The following PPP2R5C variants were observed in gnomAD, a reference collection of about 807,000 sequenced individuals.
The protein encoded by PPP2R5C is serine/threonine-protein phosphatase 2A 56 kDa regulatory subunit gamma isoform.
In PPP2R5C, 7 loss-of-function variants were observed where a neutral mutation model predicts 68.9. The observed-to-expected ratio is 0.10, with a 90% CI of 0.06 to 0.19. PPP2R5C has a LOEUF of 0.19. PPP2R5C is among the 10% of genes least tolerant of loss of function. PPP2R5C has a pLI of 1.00. For synonymous variants in PPP2R5C, 210 were observed against 222.2 expected, an observed-to-expected ratio of 0.95 and a Z score of 0.49; for missense variants, 348 against 641.3, an observed-to-expected ratio of 0.54 and a Z score of 4.94.
chr14:101,776,613 C>T (rs564395321), intron 2 of PPP2R5C, among the ~76,000 whole-genome samples: 1 of 152,220 alleles, frequency 6.6e-6, no homozygotes, highest in African/African-American at 2.4e-5. Flanking sequence ...CTCAAGGATG[C>T]TCAGCGGGTC....
chr14:101,876,025 G>T (rs1356232432), intron 2 of PPP2R5C, among the ~76,000 whole-genome samples: 3 of 152,248 alleles, frequency 2.0e-5, no homozygotes, highest in Non-Finnish European at 4.4e-5. Flanking sequence ...TGGAAAGGTG[G>T]TTGCTGTTGG....
intron 1 of PPP2R5C, among the ~76,000 whole-genome samples, chr14:101,827,686 A>G (rs2040479717): frequency 6.6e-6 from 1 of 152,198 alleles, no homozygotes; most frequent in African/African-American, 2.4e-5. Context: ...TTATTTTCCT[A>G]AATTATCTCG....
rs2046696711 is a variant in PPP2R5C at position 101,916,756 on chromosome 14, C to T, written c.1327-1075C>T. ...GGGGTGAAGCAGGTCAGCAGGAGGG[C>T]GCTGCTGTGACAGGAGCTCAGCCTG... On this transcript the variant is annotated intron_variant, in intron 12 of 13. Coordinates refer to ENST00000334743, the Ensembl canonical transcript of PPP2R5C. This position sits in a 1 kb window ranked among gnomAD's most constrained non-coding sequence, Gnocchi z 5.5. 2.0e-5 allele frequency among the ~76,000 whole-genome samples: 3 copies of T among 152,106 alleles called. No homozygotes were observed. Among genetic ancestry groups the T allele is most frequent in the Admixed American group, 6.5e-5 (1 of 15,284 alleles).
intron 1 of PPP2R5C, among the ~76,000 whole-genome samples, chr14:101,838,043 A>G (rs552448824): frequency 3.3e-5 from 5 of 152,268 alleles, no homozygotes; most frequent in Non-Finnish European, 7.3e-5. Context: ...ATGTGTAAAG[A>G]TTGTTATTAA....
Position 101,912,493 on chromosome 14 carries a change from C to A in PPP2R5C, c.1326+20C>A. ...CCCCAGGTACTAAAAAAGAGAATAA[C>A]ATGAAAACGCCCAGGGTTACTTGAA... On this transcript the variant is annotated intron_variant, in intron 12 of 13. Coordinates refer to ENST00000334743, the Ensembl canonical transcript of PPP2R5C. 1 of 1,595,436 alleles carries A rather than the reference C, an allele frequency of 6.3e-7. No homozygotes were observed.
intron 5 of PPP2R5C, among the ~76,000 whole-genome samples, chr14:101,887,894 C>T (rs947168225): frequency 6.6e-6 from 1 of 152,158 alleles, no homozygotes; most frequent in Non-Finnish European, 1.5e-5. Context: ...GATTCCCTTT[C>T]TGCTGAAAGA....
At chr14:101,827,452 G>T (rs1400638111) in intron 1 of PPP2R5C, among the ~76,000 whole-genome samples, 1 of 152,132 alleles carries the variant, frequency 6.6e-6, no homozygotes, top group Non-Finnish European at 1.5e-5. Flanking sequence ...TTCCTTAACT[G>T]TCTGCCCTCT....
intron 1 of PPP2R5C, among the ~76,000 whole-genome samples, chr14:101,816,905 T>G (rs1222975299): frequency 7.9e-6 from 1 of 126,766 alleles, no homozygotes; most frequent in Admixed American, 8.4e-5. Context: ...TATAAATATA[T>G]ATATAATATA....
rs540581507 is a variant in PPP2R5C, at chr14:101,838,849, G to A, written c.95-17837G>A. Among the ~76,000 whole-genome samples the A allele has an allele frequency of 7.9e-5, 12 of 152,250 alleles. No individual in the cohort carries two copies. In the East Asian group the frequency reaches 1.7e-3, roughly 22 times the overall value. ...GCTTGATGTCAGGAGTTTGAGACCA[G>A]CCTGGCCAACATGGTGAAACCCCGT... On this transcript the variant is annotated intron_variant, in intron 1 of 13. Coordinates refer to ENST00000334743, the Ensembl canonical transcript of PPP2R5C.
At chr14:101,847,416 T>A (rs943122638) in intron 1 of PPP2R5C, among the ~76,000 whole-genome samples, 3 of 152,174 alleles carry the variant, frequency 2.0e-5, no homozygotes, top group Non-Finnish European at 4.4e-5. Flanking sequence ...TAGTGCAGCC[T>A]TCAGTGCCTT....
intron 2 of PPP2R5C, among the ~76,000 whole-genome samples, chr14:101,767,589 C>G (rs903222251): frequency 6.6e-6 from 1 of 152,144 alleles, no homozygotes; most frequent in African/African-American, 2.4e-5. Flanking sequence ...TCCATACAAC[C>G]CTAAGCTGAA....
Position 101,882,375 on chromosome 14 carries a change from C to T in PPP2R5C, c.405+104C>T, listed in dbSNP as rs1802932186. On this transcript the variant is annotated intron_variant, in intron 3 of 13. Coordinates refer to ENST00000334743, the Ensembl canonical transcript of PPP2R5C. This position sits in a 1 kb window ranked among gnomAD's most constrained non-coding sequence, Gnocchi z 4.9. ...TGGTCTGGCCAGATGGACCTCTCCT[C>T]CTCAGTAGCATGGGCCTCGTAAACC... The T allele has an allele frequency of 1.3e-6, 1 of 742,030 alleles. No individual in the cohort carries two copies. The highest frequency in any genetic ancestry group is 2.2e-6 in the Non-Finnish European group (1 of 462,960). 46.0% of individuals were successfully genotyped at this position (742,030 alleles called of 1,614,324 possible).
At chr14:101,911,875 C>G (rs1475958387) in intron 11 of PPP2R5C, among the ~76,000 whole-genome samples, 1 of 145,724 alleles carries the variant, frequency 6.9e-6, no homozygotes, top group East Asian at 2.0e-4. Context: ...CAGAGTGAGG[C>G]CCTGTCTCAA....
intron 9 of PPP2R5C, among the ~76,000 whole-genome samples, chr14:101,905,965 C>G (rs1003038648): frequency 6.6e-6 from 1 of 152,248 alleles, no homozygotes; most frequent in African/African-American, 2.4e-5. Flanking sequence ...TCATCCATCA[C>G]CTGTCTCCTC....
chr14:101,918,379 C>G (rs2046802082), intron 13 of PPP2R5C, among the ~76,000 whole-genome samples: 1 of 138,188 alleles, frequency 7.2e-6, no homozygotes, highest in Non-Finnish European at 1.6e-5. Context: ...TGCCCCTCCC[C>G]CTGTCCCCTC....
At chr14:101,785,258 C>A (rs528991781) in intron 2 of PPP2R5C, among the ~76,000 whole-genome samples, 39 of 152,134 alleles carry the variant, frequency 2.6e-4, no homozygotes, top group Non-Finnish European at 5.0e-4. Flanking sequence ...AGATACTCAG[C>A]CGTATTCATC....
intron 3 of PPP2R5C, among the ~76,000 whole-genome samples, chr14:101,804,616 A>G (rs2140155639): frequency 6.6e-6 from 1 of 152,370 alleles, no homozygotes; most frequent in Non-Finnish European, 1.5e-5. Flanking sequence ...AGCCAAGCAC[A>G]GAAAGACAAA....
chr14:101,781,338 G>A lies in PPP2R5C; in HGVS notation c.94-4680G>A, dbSNP rs370274879. ...TCCCCACCCTCCGAAGCCTCAACCC[G>A]CCCTGCGCCTCCCGGTGGCACAGCG... On this transcript the variant is annotated intron_variant, in intron 2 of 14. Coordinates refer to the PPP2R5C transcript ENST00000328724. This position sits in a 1 kb window ranked among gnomAD's most constrained non-coding sequence, Gnocchi z 6.4. Among the ~76,000 whole-genome samples, 362 of 152,228 alleles carry A rather than the reference G, an allele frequency of 2.4e-3. 3 individuals carry two copies. The highest frequency in any genetic ancestry group is 0.014 in the Middle Eastern group (4 of 294).
intron 2 of PPP2R5C, among the ~76,000 whole-genome samples, chr14:101,783,664 T>C (rs1456376081): frequency 6.6e-6 from 1 of 152,162 alleles, no homozygotes; most frequent in Non-Finnish European, 1.5e-5. Context: ...ATGGACTTGC[T>C]TCCCAGCCCC....
Sources: allele counts gnomAD v4.1 joint callset (sites outside exome capture counted in the v4.1 genomes callset), GRCh38; gene constraint gnomAD v4.1.1; non-coding constraint Gnocchi (gnomAD v3.1); transcripts MANE v1.5; gene names NCBI Gene and HGNC (gene_info 2026-07-23, HGNC 2026-07-21).